The following CA10 variants were observed in gnomAD, a reference collection of about 807,000 sequenced individuals.
The protein encoded by CA10 is carbonic anhydrase 10 (inactive).
Under a neutral mutation model 44.2 loss-of-function variants are expected in CA10, and 14 were observed. That is an observed-to-expected ratio of 0.32 (90% CI 0.21 to 0.50). The LOEUF (loss-of-function observed/expected upper bound fraction) is 0.50. CA10 is among the 20% of genes least tolerant of loss of function. The pLI is 0.99. For synonymous variants in CA10, 159 were observed against 141.6 expected (o/e 1.12, Z -0.87); for missense variants, 350 against 409.7 (o/e 0.85, Z 1.26).
At chr17:51,662,409 C>T (rs942806095) in intron 4 of CA10, among the ~76,000 whole-genome samples, 30 of 152,162 alleles carry the variant, frequency 2.0e-4, no homozygotes, top group African/African-American at 7.2e-4. Context: ...GGTTAAGCAC[C>T]TCTTCTGAGG....
At chr17:52,155,675 T>G (rs1307266435) in intron 1 of CA10, among the ~76,000 whole-genome samples, 1 of 152,230 alleles carries the variant, frequency 6.6e-6, no homozygotes, top group African/African-American at 2.4e-5. Flanking sequence ...TGCCTAAATG[T>G]CTTCATAAAG....
chr17:52,092,254 G>A (rs368031143), intron 1 of CA10, among the ~76,000 whole-genome samples: 1 of 152,084 alleles, frequency 6.6e-6, no homozygotes, highest in African/African-American at 2.4e-5. Context: ...AAGGGAAGGG[G>A]ACTAATATAG....
intron 4 of CA10, among the ~76,000 whole-genome samples, chr17:51,738,100 G>A (rs371557734): frequency 1.3e-5 from 2 of 152,062 alleles, no homozygotes; most frequent in African/African-American, 4.8e-5. Context: ...AAAAATTAAT[G>A]GAACATGAAA....
chr17:51,706,941 C>G (rs1915780324), intron 4 of CA10, among the ~76,000 whole-genome samples: 1 of 152,182 alleles, frequency 6.6e-6, no homozygotes, highest in South Asian at 2.1e-4. Flanking sequence ...CAATCCCCAC[C>G]CCACACTGGA....
chr17:51,837,650 G>T (rs1011991354), intron 3 of CA10, among the ~76,000 whole-genome samples: 1 of 152,192 alleles, frequency 6.6e-6, no homozygotes, highest in African/African-American at 2.4e-5. Context: ...CTTCATCAGA[G>T]AGTGCCTTTT....
At chr17:51,979,209 A>G (rs1598150138) in intron 2 of CA10, among the ~76,000 whole-genome samples, 1 of 152,284 alleles carries the variant, frequency 6.6e-6, no homozygotes, top group East Asian at 1.9e-4. Context: ...CCCACTTATG[A>G]CACAGCCTTA....
At chr17:51,870,236 T>C (rs2143859454) in intron 3 of CA10, among the ~76,000 whole-genome samples, 1 of 152,356 alleles carries the variant, frequency 6.6e-6, no homozygotes, top group South Asian at 2.1e-4. Context: ...TCCTAGGAGA[T>C]TGCCCTGTTG....
intron 2 of CA10, among the ~76,000 whole-genome samples, chr17:52,026,806 G>A (rs573127264): frequency 1.2e-4 from 18 of 152,074 alleles, no homozygotes; most frequent in South Asian, 4.2e-4. Context: ...CAACATATGG[G>A]GATTATGGGA....
chr17:51,693,815 T>C (rs1439198689), intron 4 of CA10, among the ~76,000 whole-genome samples: 2 of 152,218 alleles, frequency 1.3e-5, no homozygotes, highest in Non-Finnish European at 2.9e-5. Context: ...GAGGAGTGCA[T>C]GTGTCTTTTT....
chr17:52,060,061 C>T (rs910630895), intron 2 of CA10, among the ~76,000 whole-genome samples: 2 of 152,238 alleles, frequency 1.3e-5, no homozygotes, highest in South Asian at 2.1e-4. Flanking sequence ...GATAGAAATA[C>T]GTGTCTTTTT....
intron 4 of CA10, among the ~76,000 whole-genome samples, chr17:51,674,427 C>T (rs531439356): frequency 9.9e-5 from 15 of 152,086 alleles, no homozygotes; most frequent in South Asian, 2.1e-4. Flanking sequence ...TTTATTGTGT[C>T]GCTGTGGTCT....
intron 3 of CA10, among the ~76,000 whole-genome samples, chr17:51,806,715 A>G (rs1372639935): frequency 6.6e-6 from 1 of 152,258 alleles, no homozygotes; most frequent in African/African-American, 2.4e-5. Context: ...TGTACAAAAT[A>G]GGCAATGCAT....
Position 51,631,486 on chromosome 17 carries a change from G to T in CA10, c.*98C>A. 3.5e-6 allele frequency: 4 copies of T among 1,132,456 alleles called. No homozygotes were observed. Among genetic ancestry groups the T allele is most frequent in the Non-Finnish European group, 4.0e-6 (3 of 746,902 alleles). 70.2% of individuals were successfully genotyped at this position (1,132,456 alleles called of 1,614,324 possible). A position where few individuals can be genotyped will look rare whatever the true frequency, so the allele number is the denominator to read the frequency against. On this transcript the variant is annotated 3_prime_UTR_variant, in exon 9 of 9. Transcript: ENST00000451037. The stretch of plus-strand genomic sequence containing the variant: ...TCCCAAGAATGAATGAGGCTTGGGG[G>T]AAAGAAGGAGAGAGAAGCAAGAAGG...
At chr17:52,087,022 T>G (rs953343405) in intron 1 of CA10, among the ~76,000 whole-genome samples, 4 of 152,184 alleles carry the variant, frequency 2.6e-5, no homozygotes, top group African/African-American at 9.7e-5. Flanking sequence ...AACCTATCTC[T>G]TTCCCCTGCT....
In CA10 at chr17:51,751,070, T is replaced by C. The variant is rs1164071714; in HGVS notation, c.280-3252A>G. On this transcript the variant is annotated intron_variant, in intron 3 of 8. Transcript: ENST00000451037. ...CTTGAAGCTTCAGTTTTCTTAACCA[T>C]AGAGGTAACAGAATTTCCTCCATGA... is the stretch of plus-strand genomic sequence containing the variant. Among the ~76,000 whole-genome samples the C allele has an allele frequency of 2.6e-5, 4 of 152,192 alleles. No individual in the cohort carries two copies. In the South Asian group the frequency reaches 6.2e-4, roughly 24 times the overall value.
At chr17:51,786,482 G>T (rs915933108) in intron 3 of CA10, among the ~76,000 whole-genome samples, 16 of 152,164 alleles carry the variant, frequency 1.1e-4, no homozygotes, top group Non-Finnish European at 2.4e-4. Flanking sequence ...AGTCCGGGAG[G>T]CAGAGGTTTT....
chr17:52,148,809 A>T (rs1211183519), intron 1 of CA10, among the ~76,000 whole-genome samples: 2 of 152,222 alleles, frequency 1.3e-5, no homozygotes, highest in East Asian at 3.8e-4. Context: ...TTATAGGGCA[A>T]AGACCATTGC....
Position 52,045,517 on chromosome 17 carries a change from T to C in CA10, c.136+26802A>G, listed in dbSNP as rs118059673. 1.2e-4 allele frequency among the ~76,000 whole-genome samples: 19 copies of C among 152,094 alleles called. 1 individual carries two copies. The East Asian group carries it at 3.7e-3, about 30-fold the overall frequency. The stretch of plus-strand genomic sequence containing the variant: ...ATAACATGAGTAGGAATAAAATATA[T>C]GACATTAATACCACAGAGCCAAGAG... On this transcript the variant is annotated intron_variant, in intron 2 of 8. Transcript: ENST00000451037.
At chr17:52,093,719 C>T (rs1316752048) in intron 1 of CA10, among the ~76,000 whole-genome samples, 1 of 152,100 alleles carries the variant, frequency 6.6e-6, no homozygotes, top group Non-Finnish European at 1.5e-5. Context: ...GACCAGTGCT[C>T]CTAAGTATTG....
Sources: allele counts gnomAD v4.1 joint callset (sites outside exome capture counted in the v4.1 genomes callset), GRCh38; gene constraint gnomAD v4.1.1; transcripts MANE v1.5; gene names NCBI Gene and HGNC (gene_info 2026-07-23, HGNC 2026-07-21).